Variants in PDK3 observed in about 807,000 individuals in gnomAD.
The protein encoded by PDK3 is pyruvate dehydrogenase kinase 3.
PDK3 carries 12 observed loss-of-function variants against 32.0 expected under a neutral mutation model. The ratio of observed to expected loss-of-function variants is 0.37; its 90% CI spans 0.24 to 0.61. The LOEUF (loss-of-function observed/expected upper bound fraction) is 0.61, where lower values mean the gene tolerates loss of function less well. PDK3 is among the 20% of genes least tolerant of loss of function. The pLI is 0.65. For missense variants in PDK3, 188 were observed against 316.9 expected (o/e 0.59, Z 3.09); for synonymous variants, 122 against 116.3 (o/e 1.05, Z -0.31).
chrX:24,469,856 A>G (rs1020994360), intron 1 of PDK3, among the ~76,000 whole-genome samples: 1 of 112,218 alleles, frequency 8.9e-6, no homozygotes, highest in African/African-American at 3.2e-5. Context: ...ACATATAGTT[A>G]AAAGGTTACT....
chrX:24,484,852 C>T (rs1432212180), intron 1 of PDK3, among the ~76,000 whole-genome samples: 1 of 110,835 alleles, frequency 9.0e-6, no homozygotes, highest in African/African-American at 3.3e-5. Context: ...ATTCCTCTCT[C>T]TCTCTCTCTC....
In PDK3 at chrX:24,494,766, C is replaced by T; in HGVS notation, c.131C>T (p.Thr44Ile). The T allele has an allele frequency of 8.4e-7, 1 of 1,194,434 alleles. No individual in the cohort carries two copies. Among genetic ancestry groups the T allele is most frequent in the Non-Finnish European group, 1.1e-6 (1 of 882,104 alleles). Reference protein sequence around the residue: ...DFGRDNACEKTSYMFLRKELP... With the variant: ...DFGRDNACEKISYMFLRKELP... ...GGGAGAGATAATGCATGTGAGAAAACTTCATATATGTTTCTACGAAAGGAA... is the reference window on the plus strand; with the variant it reads ...GGGAGAGATAATGCATGTGAGAAAATTTCATATATGTTTCTACGAAAGGAA... The change falls in exon 2 of 11, where the codon ACT (threonine) becomes ATT (isoleucine). Residue 44 changes from threonine (T) to isoleucine (I), a missense_variant. Coordinates refer to ENST00000379162, the MANE Select transcript of PDK3 (RefSeq NM_005391.5).
At chrX:24,486,529 G>A (rs974486246) in intron 1 of PDK3, among the ~76,000 whole-genome samples, 1 of 111,740 alleles carries the variant, frequency 8.9e-6, no homozygotes, top group African/African-American at 3.3e-5. Flanking sequence ...GAAAGAAGTC[G>A]TGTAATATCT....
At chrX:24,542,617 T>C (rs1922915398) in exon 12 of PDK3, among the ~76,000 whole-genome samples, 1 of 112,687 alleles carries the variant, frequency 8.9e-6, no homozygotes, top group Non-Finnish European at 1.9e-5. Flanking sequence ...TTCTTTTGTG[T>C]GTTTCCATTT....
At chrX:24,525,844 A>G (rs1289191938) in intron 6 of PDK3, among the ~76,000 whole-genome samples, 3 of 112,261 alleles carry the variant, frequency 2.7e-5, no homozygotes, top group Non-Finnish European at 5.6e-5. Flanking sequence ...GGTCAGTGGC[A>G]GAAGGTAGCC....
At chrX:24,496,842 C>T (rs372711380) in intron 2 of PDK3, among the ~76,000 whole-genome samples, 15 of 80,593 alleles carry the variant, frequency 1.9e-4, no homozygotes, top group South Asian at 1.7e-3. Context: ...AGTGCAGTGG[C>T]GGGATCTCAG....
chrX:24,506,164 C>T (rs1276330527), intron 5 of PDK3, among the ~76,000 whole-genome samples: 1 of 111,875 alleles, frequency 8.9e-6, no homozygotes, highest in East Asian at 2.8e-4. Context: ...AGGACCAGAC[C>T]TGTTGGTTTT....
chrX:24,510,727 A>T (rs1922096612), intron 5 of PDK3, among the ~76,000 whole-genome samples: 1 of 111,811 alleles, frequency 8.9e-6, no homozygotes, highest in Non-Finnish European at 1.9e-5. Context: ...TCCTGTGTCT[A>T]ATCTGTGATA....
chrX:24,501,232 G>A (rs148522169), intron 3 of PDK3, among the ~76,000 whole-genome samples: 165 of 110,884 alleles, frequency 1.5e-3, no homozygotes, highest in African/African-American at 5.0e-3. Flanking sequence ...ATTTATATGC[G>A]TAAAATATTT....
chrX:24,491,884 C>T (rs780135920), intron 1 of PDK3, among the ~76,000 whole-genome samples: 8 of 110,977 alleles, frequency 7.2e-5, no homozygotes, highest in Admixed American at 9.6e-5. Flanking sequence ...GGTAGTAAAC[C>T]GTGATTGTAC....
intron 9 of PDK3, among the ~76,000 whole-genome samples, chrX:24,531,282 A>T (rs1294101969): frequency 9.0e-6 from 1 of 111,618 alleles, no homozygotes; most frequent in African/African-American, 3.3e-5. Flanking sequence ...CTGATCATGA[A>T]TTCCTGACCT....
At chrX:24,492,861 G>A (rs759067403) in intron 1 of PDK3, among the ~76,000 whole-genome samples, 3 of 109,246 alleles carry the variant, frequency 2.7e-5, no homozygotes, top group Non-Finnish European at 5.7e-5. Context: ...TTAGCCAGGC[G>A]TGGTGGTGGG....
chrX:24,531,516 A>G (rs763487928), intron 9 of PDK3, 141 bp from the exon 10 acceptor site: 43 of 416,766 alleles, frequency 1.0e-4, no homozygotes, highest in African/African-American at 8.0e-4. Context: ...GAGGATATAC[A>G]TCATTGTAAA....
intron 6 of PDK3, among the ~76,000 whole-genome samples, chrX:24,519,245 G>A (rs985134287): frequency 1.8e-5 from 2 of 110,859 alleles, no homozygotes; most frequent in Non-Finnish European, 3.8e-5. Context: ...TCAAGGTAGA[G>A]TATGTAGAAA....
At chrX:24,472,176 G>T (rs1920997070) in intron 1 of PDK3, among the ~76,000 whole-genome samples, 1 of 111,463 alleles carries the variant, frequency 9.0e-6, no homozygotes, top group South Asian at 3.7e-4. Context: ...TGAATTTTTG[G>T]TTCTAGTGGT....
At chrX:24,485,368 T>C (rs189606863) in intron 1 of PDK3, among the ~76,000 whole-genome samples, 1 of 111,347 alleles carries the variant, frequency 9.0e-6, no homozygotes, top group Non-Finnish European at 1.9e-5. Flanking sequence ...AACAAAAAAA[T>C]AAATAAATAA....
At chrX:24,528,974 C>T (rs1214690992) in intron 9 of PDK3, among the ~76,000 whole-genome samples, 1 of 112,635 alleles carries the variant, frequency 8.9e-6, no homozygotes, top group African/African-American at 3.2e-5. Context: ...CTGATAAGCA[C>T]ATAAGATTAT....
chrX:24,499,784 C>T (rs1217818142), intron 3 of PDK3, among the ~76,000 whole-genome samples: 2 of 111,790 alleles, frequency 1.8e-5, no homozygotes, highest in Non-Finnish European at 3.8e-5. Context: ...GCTATGTTTA[C>T]GTCTGAGCCA....
downstream of PDK3, among the ~76,000 whole-genome samples, chrX:24,537,282 ATTTT>A (rs1167543267): frequency 7.9e-3 from 522 of 65,670 alleles, 1 homozygote; most frequent in African/African-American, 0.028. Flanking sequence ...ACGCCTGGCT[ATTTT>A]TTTTTTTTTT....
Sources: allele counts gnomAD v4.1 joint callset (sites outside exome capture counted in the v4.1 genomes callset), GRCh38; gene constraint gnomAD v4.1.1; transcripts MANE v1.5; gene names NCBI Gene and HGNC (gene_info 2026-07-23, HGNC 2026-07-21).